Variants in FBXW7 observed in about 807,000 individuals in gnomAD.
FBXW7 encodes F-box and WD repeat domain containing 7.
In FBXW7, 11 loss-of-function variants were observed where a neutral mutation model predicts 86.3. The ratio of observed to expected loss-of-function variants is 0.13; its 90% CI spans 0.08 to 0.21. The LOEUF (loss-of-function observed/expected upper bound fraction) is 0.21. Ranked by LOEUF, FBXW7 falls within the 10% of genes least tolerant of loss-of-function variation. The pLI is 1.00. For missense variants in FBXW7, 488 were observed against 847.4 expected, an observed-to-expected ratio of 0.58 and a Z score of 5.27; for synonymous variants, 313 against 297.9, an observed-to-expected ratio of 1.05 and a Z score of -0.52.
At chr4:152,406,938 A>G (rs571240830) in intron 4 of FBXW7, among the ~76,000 whole-genome samples, 1 of 152,302 alleles carries the variant, frequency 6.6e-6, no homozygotes, top group Admixed American at 6.5e-5. Context: ...GATTTGGGGT[A>G]AGGCACAGGA....
At chr4:152,417,438 T>C (rs776568946) in intron 2 of FBXW7, among the ~76,000 whole-genome samples, 2 of 152,072 alleles carry the variant, frequency 1.3e-5, no homozygotes, top group Non-Finnish European at 2.9e-5. Context: ...AAGTTAGGTA[T>C]GTATGTGGCA....
chr4:152,530,229 A>G (rs991347438), intron 2 of FBXW7: 1 of 152,128 alleles, frequency 6.6e-6, no homozygotes, highest in Non-Finnish European at 1.5e-5. Context: ...GAAATTAACA[A>G]AACAAAAATT....
At chr4:152,472,394 A>T (rs755787184) in intron 2 of FBXW7, among the ~76,000 whole-genome samples, 13 of 152,332 alleles carry the variant, frequency 8.5e-5, no homozygotes, top group Non-Finnish European at 1.6e-4. Flanking sequence ...ATATAATTTG[A>T]ATGTCCATCA....
chr4:152,389,371 A>G (rs185926400), intron 4 of FBXW7, among the ~76,000 whole-genome samples: 2 of 152,274 alleles, frequency 1.3e-5, no homozygotes, highest in East Asian at 3.9e-4. Context: ...TAAGTCAACT[A>G]TGATAACTAA....
chr4:152,524,243 C>T (rs191260212), intron 2 of FBXW7, among the ~76,000 whole-genome samples: 125 of 152,270 alleles, frequency 8.2e-4, no homozygotes, highest in Non-Finnish European at 1.3e-3. Context: ...AATCACAAAG[C>T]AGCAGAGCTG....
chr4:152,324,420 T>A (rs371077307), intron 12 of FBXW7, 26 bp from the exon 13 acceptor site: 1 of 1,523,108 alleles, frequency 6.6e-7, no homozygotes, highest in Non-Finnish European at 8.9e-7. Context: ...TTTATTAGAA[T>A]AGAAGTATGG....
At chr4:152,503,646 T>TA (rs59515223) in intron 2 of FBXW7, among the ~76,000 whole-genome samples, 54,738 of 142,252 alleles carry the variant, frequency 0.38, 10,578 homozygotes, top group African/African-American at 0.51. Flanking sequence ...TATGTAGCTG[T>TA]AAAAAAAAAA....
intron 4 of FBXW7, among the ~76,000 whole-genome samples, chr4:152,401,127 T>C (rs1212304456): frequency 1.3e-5 from 2 of 152,200 alleles, no homozygotes; most frequent in African/African-American, 4.8e-5. Context: ...TGGAAGCCAT[T>C]TGGCAGTTTC....
intron 2 of FBXW7, among the ~76,000 whole-genome samples, chr4:152,460,128 T>G (rs553322082): frequency 6.6e-6 from 1 of 152,360 alleles, no homozygotes; most frequent in Non-Finnish European, 1.5e-5. Flanking sequence ...TGGCAAATTT[T>G]ATTTTGTACA....
At position 152,350,078 on chromosome 4, in the gene FBXW7, A is replaced by G; in HGVS notation, c.548T>C (p.Leu183Ser). Residue 183 changes from leucine to serine, a missense_variant, in exon 5 of 14, where the codon TTG (leucine) becomes TCG (serine). Coordinates refer to ENST00000281708, the MANE Select transcript of FBXW7 (RefSeq NM_001349798.2). ...DHGSEVRSFS[L>S]GKKPCKVSEY... Reference sequence around the variant, plus strand: ...TGAGACTTTGCATGGTTTCTTTCCCAAAGAAAAAGAGCGGACCTCAGAACC... The same window carrying G: ...TGAGACTTTGCATGGTTTCTTTCCCGAAGAAAAAGAGCGGACCTCAGAACC... 1 of 1,566,830 alleles carries G rather than the reference A, an allele frequency of 6.4e-7. No homozygotes were observed. The highest frequency in any genetic ancestry group is 8.7e-7 in the Non-Finnish European group (1 of 1,151,554).
At chr4:152,511,738 C>CT (rs1747996978) in intron 2 of FBXW7, among the ~76,000 whole-genome samples, 2 of 152,226 alleles carry the variant, frequency 1.3e-5, no homozygotes, top group South Asian at 4.1e-4. Flanking sequence ...TAAAAGACCT[C>CT]TAAGATCTAC....
chr4:152,451,722 G>T (rs1430791221), intron 2 of FBXW7: 3 of 151,512 alleles, frequency 2.0e-5, no homozygotes, highest in Non-Finnish European at 4.4e-5. Context: ...AGCCCAGGAG[G>T]TGGAGGCTGC....
At chr4:152,433,583 G>C (rs959860362) in intron 2 of FBXW7, among the ~76,000 whole-genome samples, 1 of 151,972 alleles carries the variant, frequency 6.6e-6, no homozygotes, top group African/African-American at 2.4e-5. Flanking sequence ...ATAAATCAAT[G>C]ACTCCTGTGA....
At chr4:152,394,513 A>C (rs1736255373) in intron 4 of FBXW7, among the ~76,000 whole-genome samples, 1 of 152,128 alleles carries the variant, frequency 6.6e-6, no homozygotes, top group Non-Finnish European at 1.5e-5. Context: ...AATATCAAAC[A>C]GCTGAACTAT....
intron 2 of FBXW7, among the ~76,000 whole-genome samples, chr4:152,509,733 T>C (rs956291929): frequency 6.6e-6 from 1 of 152,184 alleles, no homozygotes; most frequent in East Asian, 1.9e-4. Flanking sequence ...AGTAAGTATA[T>C]ACAATTGTGA....
intron 2 of FBXW7, among the ~76,000 whole-genome samples, chr4:152,510,232 C>T (rs569209515): frequency 4.5e-4 from 68 of 152,282 alleles, no homozygotes; most frequent in African/African-American, 1.6e-3. Flanking sequence ...ATTCTCTTGT[C>T]AATAAACACT....
At position 152,322,974 on chromosome 4, in the gene FBXW7, G is replaced by A. The variant is rs768076888; in HGVS notation, c.2031C>T (p.Ala677=). Residue 677 remains alanine, a synonymous_variant, in exon 14 of 14, where the codon GCC becomes GCT. Coordinates refer to ENST00000281708, the MANE Select transcript of FBXW7 (RefSeq NM_001349798.2). ...CTGCACACACCAGCTTTGTGTTTGA[G>A]GCTCTGATCCGCCACACAACTCCCC... is the stretch of plus-strand genomic sequence containing the variant. ...GSGGVVWRIR[A]SNTKLVCAVG... is the part of the protein sequence containing the mutation. The A allele has an allele frequency of 1.2e-6, 2 of 1,613,524 alleles. No homozygotes were observed. The highest frequency in any genetic ancestry group is 4.5e-5 in the East Asian group (2 of 44,844).
In FBXW7 at chr4:152,322,380, AT is replaced by A. The variant is rs900153070; in HGVS notation, c.*500del. Reference sequence around the variant, plus strand: ...AACTGTACAAAAACAATTCACAGTAATTTTTTTAAGCTTTTCCACTCCAGAA... The same window carrying A: ...AACTGTACAAAAACAATTCACAGTAATTTTTTAAGCTTTTCCACTCCAGAA... On this transcript the variant is annotated 3_prime_UTR_variant, in exon 14 of 14. Coordinates refer to ENST00000281708, the MANE Select transcript of FBXW7 (RefSeq NM_001349798.2). 7.7e-5 allele frequency: 18 copies of A among 234,086 alleles called. No homozygotes were observed. The highest frequency in any genetic ancestry group is 1.2e-4 in the Non-Finnish European group (14 of 118,680). The allele number at this position is 234,086 out of a possible 1,614,324, so 14.5% of individuals were successfully genotyped here.
At chr4:152,484,139 C>T (rs1218779903) in intron 2 of FBXW7, among the ~76,000 whole-genome samples, 1 of 152,064 alleles carries the variant, frequency 6.6e-6, no homozygotes, top group East Asian at 1.9e-4. Flanking sequence ...TTGTTATTTT[C>T]TTCATACAAA....
Sources: gnomAD v4.1 joint callset for allele counts (sites outside exome capture counted in the v4.1 genomes callset) on GRCh38, gnomAD v4.1.1 for gene constraint, MANE v1.5 for transcripts, NCBI Gene and HGNC (gene_info 2026-07-23, HGNC 2026-07-21) for gene names.